The following CARF variants were observed in gnomAD, a reference collection of about 807,000 sequenced individuals.
CARF encodes calcium-responsive transcription factor.
A neutral mutation model predicts 82.0 loss-of-function variants in CARF; 57 were observed. The ratio of observed to expected loss-of-function variants is 0.70; its 90% CI spans 0.56 to 0.87. The LOEUF is 0.87. Ranked by LOEUF, CARF falls within the 40% of genes least tolerant of loss-of-function variation. The pLI is 0.00. For synonymous variants in CARF, 268 were observed against 290.1 expected, an observed-to-expected ratio of 0.92 and a Z score of 0.77; for missense variants, 771 against 855.8, an observed-to-expected ratio of 0.90 and a Z score of 1.24.
At chr2:202,946,450 A>G (rs2058502724) in intron 5 of CARF, among the ~76,000 whole-genome samples, 1 of 152,240 alleles carries the variant, frequency 6.6e-6, no homozygotes, top group South Asian at 2.1e-4. Flanking sequence ...AGCCGTATGC[A>G]GAAAACAGAA....
chr2:202,965,151 A>G (rs1291549876), intron 9 of CARF, among the ~76,000 whole-genome samples: 3 of 151,980 alleles, frequency 2.0e-5, no homozygotes, highest in Non-Finnish European at 4.4e-5. Flanking sequence ...TTGTTCTGTA[A>G]TATTTGCCAT....
At chr2:202,976,376 G>T (rs943239986) in intron 13 of CARF, among the ~76,000 whole-genome samples, 23 of 151,950 alleles carry the variant, frequency 1.5e-4, no homozygotes, top group African/African-American at 5.1e-4. Context: ...GTTTCACCAT[G>T]TTGGCCAGGC....
In CARF at chr2:202,985,971, G is replaced by A. The variant is rs950461495; in HGVS notation, c.*2347G>A. ...TTTTCTCACTTGATTCTGTGTGAAT[G>A]TCTCTTCTGATACTGTTTTTTAATC... On this transcript the variant is annotated 3_prime_UTR_variant, in exon 17 of 17. Coordinates refer to ENST00000438828, the MANE Select transcript of CARF (RefSeq NM_024744.17). 1.3e-5 allele frequency: 2 copies of A among 152,068 alleles called. No individual in the cohort carries two copies. The highest frequency in any genetic ancestry group is 2.9e-5 in the Non-Finnish European group (2 of 67,966). 9.4% of individuals were successfully genotyped at this position (152,068 alleles called of 1,614,324 possible). A position where few individuals can be genotyped will look rare whatever the true frequency, so the allele number is the denominator to read the frequency against.
At chr2:202,955,949 A>C (rs1487496171) in intron 8 of CARF, among the ~76,000 whole-genome samples, 191 bp downstream of exon 8, 1 of 152,172 alleles carries the variant, frequency 6.6e-6, no homozygotes, top group African/African-American at 2.4e-5. Context: ...GAGGTTATAT[A>C]TATCTCTTTA....
chr2:202,977,823 C>G lies in CARF; in HGVS notation c.1558+491C>G, dbSNP rs199559669. 3.3e-5 allele frequency among the ~76,000 whole-genome samples: 5 copies of G among 152,132 alleles called. No individual in the cohort carries two copies. The East Asian group carries it at 9.7e-4, about 29-fold the overall frequency. On this transcript the variant is annotated intron_variant, in intron 14 of 16. Transcript: ENST00000438828. ...CTTTTAAGTACATTCATAACTTCAC[C>G]CCCTATATAAAGTTAAACCTCTGAA...
At chr2:202,942,484 G>A in intron 4 of CARF, 1 of 672,720 alleles carries the variant, frequency 1.5e-6, no homozygotes, top group Non-Finnish European at 1.8e-6. Context: ...TTTATATACA[G>A]AGAAAAATCT....
At chr2:202,929,188 G>C (rs534912980) in intron 3 of CARF, among the ~76,000 whole-genome samples, 1 of 152,252 alleles carries the variant, frequency 6.6e-6, no homozygotes, top group Admixed American at 6.5e-5. Flanking sequence ...CTGTACAAAA[G>C]CTTTTTAGTT....
At chr2:202,965,900 C>T (rs1439783967) in intron 9 of CARF, among the ~76,000 whole-genome samples, 1 of 152,186 alleles carries the variant, frequency 6.6e-6, no homozygotes, top group African/African-American at 2.4e-5. Context: ...TTAATTATCT[C>T]ACAGTTTCTG....
At position 202,941,876 on chromosome 2, in the gene CARF, G is replaced by T. The variant is rs2058245114; in HGVS notation, c.-27G>T. 3 of 1,573,870 alleles carry T rather than the reference G, an allele frequency of 1.9e-6. No homozygotes were observed. Among genetic ancestry groups the T allele is most frequent in the Admixed American group, 1.7e-5 (1 of 59,298 alleles). On this transcript the variant is annotated 5_prime_UTR_variant, in exon 4 of 17. Coordinates refer to ENST00000438828, the MANE Select transcript of CARF (RefSeq NM_024744.17). ...CTCTTTCAGCTATTAAATAATAGAA[G>T]AAAATGGAATTGAATATGATGTCAG...
chr2:202,970,485 G>A (rs537281037), intron 11 of CARF, among the ~76,000 whole-genome samples: 19 of 152,034 alleles, frequency 1.2e-4, no homozygotes, highest in South Asian at 4.1e-4. Flanking sequence ...ATTCCAAGCC[G>A]TAAATAAAAT....
intron 9 of CARF, among the ~76,000 whole-genome samples, chr2:202,966,342 A>C (rs577927786): frequency 1.3e-5 from 2 of 152,330 alleles, no homozygotes; most frequent in East Asian, 3.8e-4. Flanking sequence ...TTATAAAAGG[A>C]AATAAAAATT....
rs2060270577 is a variant in CARF at position 202,981,701 on chromosome 2, A to T, written c.1689+16A>T. ...ACAACTACAGGTAGGTATCCAGTAA[A>T]ATATCCAAATTTGAGGTCCTTCTCT... On this transcript the variant is annotated intron_variant, in intron 15 of 16. Transcript: ENST00000438828. 1.2e-6 allele frequency: 2 copies of T among 1,603,046 alleles called. No individual in the cohort carries two copies. Among genetic ancestry groups the T allele is most frequent in the African/African-American group, 2.7e-5 (2 of 74,680 alleles).
At chr2:202,950,295 A>G (rs1292085053) in intron 5 of CARF, among the ~76,000 whole-genome samples, 5 of 152,224 alleles carry the variant, frequency 3.3e-5, no homozygotes, top group Non-Finnish European at 7.3e-5. Flanking sequence ...ATCAGTCTTA[A>G]TTATGAAACT....
chr2:202,941,969 C>G lies in CARF; in HGVS notation c.67C>G (p.Gln23Glu). The change falls in exon 4 of 17, where the codon CAA (glutamine) becomes GAA (glutamate). Residue 23 changes from glutamine (Q) to glutamate (E), a missense_variant. Physicochemically the swap from Gln to Glu is conservative, Grantham distance 29. Coordinates refer to ENST00000438828, the MANE Select transcript of CARF (RefSeq NM_024744.17). ...CGGTGAAGAGTCAAAAACCAGTGCT[C>G]AAGTATTTGAGGTATGGATTCAGCT... ...NDGEESKTSAQVFEHLICMDS... is the reference protein window; with the variant it reads ...NDGEESKTSAEVFEHLICMDS... 2 of 1,613,208 alleles carry G rather than the reference C, an allele frequency of 1.2e-6. No homozygotes were observed. The highest frequency in any genetic ancestry group is 2.2e-5 in the South Asian group (2 of 91,022).
chr2:202,939,951 A>G (rs2058149825), intron 3 of CARF, among the ~76,000 whole-genome samples: 1 of 151,970 alleles, frequency 6.6e-6, no homozygotes, highest in Admixed American at 6.6e-5. Context: ...TGGTCTCCCA[A>G]AGTGCTGGGA....
At chr2:202,942,206 T>G (rs937119970) in intron 4 of CARF, among the ~76,000 whole-genome samples, 1 of 151,924 alleles carries the variant, frequency 6.6e-6, no homozygotes, top group Non-Finnish European at 1.5e-5. Flanking sequence ...AAACCCTGTC[T>G]CTACTAAAAA....
intron 5 of CARF, among the ~76,000 whole-genome samples, chr2:202,944,744 T>G (rs544809441): frequency 1.8e-4 from 28 of 152,280 alleles, no homozygotes; most frequent in Non-Finnish European, 4.0e-4. Flanking sequence ...AGTTTCCCCT[T>G]TATTTGACAT....
chr2:202,957,016 C>T (rs1424441991), intron 8 of CARF, among the ~76,000 whole-genome samples: 3 of 152,020 alleles, frequency 2.0e-5, no homozygotes, highest in Non-Finnish European at 2.9e-5. Context: ...CTCGAACTCC[C>T]GACCTCAGGT....
At chr2:202,940,710 C>T (rs1202506193) in intron 3 of CARF, among the ~76,000 whole-genome samples, 1 of 152,130 alleles carries the variant, frequency 6.6e-6, no homozygotes, top group Non-Finnish European at 1.5e-5. Context: ...AGCTATTTGT[C>T]CCAACTTCAG....
Sources: gnomAD v4.1 joint callset for allele counts (sites outside exome capture counted in the v4.1 genomes callset) on GRCh38, gnomAD v4.1.1 for gene constraint, MANE v1.5 for transcripts, NCBI Gene and HGNC (gene_info 2026-07-23, HGNC 2026-07-21) for gene names.